Variants in P2RY8 observed in about 807,000 individuals in gnomAD.
The protein encoded by P2RY8 is P2Y receptor family member 8, also known as S-geranylgeranyl-glutathione receptor P2RY8.
P2RY8 carries 6 observed loss-of-function variants against 10.0 expected under a neutral mutation model. The observed-to-expected ratio is 0.60, with a 90% confidence interval of 0.33 to 1.19. The LOEUF (loss-of-function observed/expected upper bound fraction) is 1.19. Among genes scored for constraint, P2RY8 ranks in the 50% most tolerant of loss-of-function variants. The probability of loss-of-function intolerance (pLI) is 0.04; values close to 1 mark genes in which losing one functional copy is unlikely to be tolerated. For missense variants in P2RY8, 456 were observed against 542.0 expected, an observed-to-expected ratio of 0.84 and a Z score of 1.58; for synonymous variants, 276 against 252.5, an observed-to-expected ratio of 1.09 and a Z score of -0.88.
At chrX:1,509,804 T>TCATCTATGTATCCATC (rs1569538163) in intron 1 of P2RY8, among the ~76,000 whole-genome samples, 17 of 65,082 alleles carry the variant, frequency 2.6e-4, no homozygotes, top group Non-Finnish European at 5.1e-4. Context: ...ATCCTATCTA[T>TCATCTATGTATCCATC]CTATCTATCT....
intron 1 of P2RY8, among the ~76,000 whole-genome samples, chrX:1,525,703 T>C (rs2092435319): frequency 6.6e-6 from 1 of 152,014 alleles, no homozygotes; most frequent in South Asian, 2.1e-4. Context: ...ATTCATTCAC[T>C]CATTCATTTA....
At position 1,498,936 on chromosome X, in the gene P2RY8, G is replaced by T. The variant is rs190208730; in HGVS notation, c.-24-32354C>A. Among the ~76,000 whole-genome samples the T allele has an allele frequency of 5.3e-4, 81 of 151,732 alleles. No homozygotes were observed. The East Asian group carries it at 0.013, about 24-fold the overall frequency. ...TGCAACTTCCGCCTCCTGAGTTCAA[G>T]CGATTCTCCTGCCTCAGCCTCCTGA... On this transcript the variant is annotated intron_variant, in intron 1 of 1. Coordinates refer to ENST00000381297, the MANE Select transcript of P2RY8 (RefSeq NM_178129.5).
chrX:1,488,606 C>A (rs2092008672), intron 1 of P2RY8, among the ~76,000 whole-genome samples: 1 of 152,136 alleles, frequency 6.6e-6, no homozygotes, highest in South Asian at 2.1e-4. Flanking sequence ...TTCATTCCAG[C>A]CCATGGGTGC....
intron 1 of P2RY8, among the ~76,000 whole-genome samples, chrX:1,485,233 C>T (rs4465135): frequency 6.6e-6 from 1 of 152,014 alleles, no homozygotes; most frequent in African/African-American, 2.4e-5. Flanking sequence ...CACCTCTGGG[C>T]TTCAAGCAGT....
At chrX:1,514,702 T>C (rs1302682001) in intron 1 of P2RY8, among the ~76,000 whole-genome samples, 9 of 708 alleles carry the variant, frequency 0.013, no homozygotes, top group Non-Finnish European at 0.023. Flanking sequence ...TTCCTTCCCT[T>C]CCTTCCCTTC....
intron 1 of P2RY8, among the ~76,000 whole-genome samples, chrX:1,532,451 GTGTATATATACACATATATGTATAGA>G (rs1361544468): frequency 3.3e-5 from 2 of 61,392 alleles, no homozygotes; most frequent in Admixed American, 1.8e-4. Flanking sequence ...ATATGTATAT[GTGTATATATACACATATATGTATAGA>G]TGTATATGTG....
At position 1,463,776 on chromosome X, in the gene P2RY8, C is replaced by A; in HGVS notation, c.*1703G>T. ...ACTCCAGGCATCCCTGGGCTTGGGG[C>A]AGCATCACTTCAGTCTCTGCCTCTG... On this transcript the variant is annotated 3_prime_UTR_variant, in exon 2 of 2. Transcript: ENST00000381297. 4.3e-6 allele frequency: 1 copy of A among 233,116 alleles called. No homozygotes were observed. Among genetic ancestry groups the A allele is most frequent in the Non-Finnish European group, 8.5e-6 (1 of 118,030 alleles). The allele number at this position is 233,116 out of a possible 1,614,324, so 14.4% of individuals were successfully genotyped here.
In P2RY8 at chrX:1,469,310, T is replaced by G. The variant is rs2091751138; in HGVS notation, c.-24-2728A>C. ...TCCTGAGTAGCTGGGATTACATGCA[T>G]GCACCACCACGCCTGGCTGATTTTT... On this transcript the variant is annotated intron_variant, in intron 1 of 1. Coordinates refer to ENST00000381297, the MANE Select transcript of P2RY8 (RefSeq NM_178129.5). Among the ~76,000 whole-genome samples, 4 of 150,642 alleles carry G rather than the reference T, an allele frequency of 2.7e-5. No homozygotes were observed. The Admixed American group carries it at 2.7e-4, about 10-fold the overall frequency.
intron 1 of P2RY8, among the ~76,000 whole-genome samples, chrX:1,486,260 T>C (rs2091985004): frequency 6.6e-6 from 1 of 152,024 alleles, no homozygotes; most frequent in Admixed American, 6.6e-5. Flanking sequence ...AACTTGCATA[T>C]GAACGTTCCC....
rs1388129555 is a variant in P2RY8, at chrX:1,521,083, G to A, written c.-25+15838C>T. Among the ~76,000 whole-genome samples, 4 of 141,390 alleles carry A rather than the reference G, an allele frequency of 2.8e-5. No homozygotes were observed. The East Asian group carries it at 8.1e-4, about 29-fold the overall frequency. The allele number at this position is 141,390 out of a possible 152,430, so 92.8% of individuals were successfully genotyped here. A position where few individuals can be genotyped will look rare whatever the true frequency, so the allele number is the denominator to read the frequency against. ...CAGAGTCTCACACTGTCGCCAGGCT[G>A]GACTGCAGCGGTGCGATCTGAGCTC... On this transcript the variant is annotated intron_variant, in intron 1 of 1. Coordinates refer to ENST00000381297, the MANE Select transcript of P2RY8 (RefSeq NM_178129.5).
At chrX:1,489,612 C>T (rs5989749) in intron 1 of P2RY8, among the ~76,000 whole-genome samples, 19,977 of 140,366 alleles carry the variant, frequency 0.14, 1,500 homozygotes, top group South Asian at 0.32. Context: ...GTGGAGGGAA[C>T]GAATGAATGA....
rs1388435975 is a variant in P2RY8 at position 1,464,659 on chromosome X, T to A, written c.*820A>T. 1 of 233,130 alleles carries A rather than the reference T, an allele frequency of 4.3e-6. No homozygotes were observed. The highest frequency in any genetic ancestry group is 8.5e-6 in the Non-Finnish European group (1 of 118,184). The allele number at this position is 233,130 out of a possible 1,614,324, so 14.4% of individuals were successfully genotyped here. On this transcript the variant is annotated 3_prime_UTR_variant, in exon 2 of 2. Coordinates refer to ENST00000381297, the MANE Select transcript of P2RY8 (RefSeq NM_178129.5). ...TTGTCCTGAGTCAGGGAAGCCTGAGTGTGTTCCAGGGGCCTGATGGGACCT... is the reference window on the plus strand; with the variant it reads ...TTGTCCTGAGTCAGGGAAGCCTGAGAGTGTTCCAGGGGCCTGATGGGACCT...
intron 1 of P2RY8, among the ~76,000 whole-genome samples, chrX:1,470,413 G>A (rs1418190566): frequency 2.0e-5 from 3 of 152,096 alleles, no homozygotes; most frequent in African/African-American, 4.8e-5. Flanking sequence ...TACTCCAGAG[G>A]CTAAGGCAGG....
chrX:1,517,646 G>C (rs1326822838), intron 1 of P2RY8, among the ~76,000 whole-genome samples: 1 of 152,150 alleles, frequency 6.6e-6, no homozygotes, highest in African/African-American at 2.4e-5. Flanking sequence ...CTGGTGTCAG[G>C]GTCCTTCTGC....
rs189788215 is a variant in P2RY8, at chrX:1,499,114, T to G, written c.-24-32532A>C. ...TTCCAAAGTGCTGGGATTACAGGCATGAGCCCCTGCACCCAACCCTCTGTT... is the reference window on the plus strand; with the variant it reads ...TTCCAAAGTGCTGGGATTACAGGCAGGAGCCCCTGCACCCAACCCTCTGTT... On this transcript the variant is annotated intron_variant, in intron 1 of 1. Transcript: ENST00000381297. Among the ~76,000 whole-genome samples, 18 of 151,422 alleles carry G rather than the reference T, an allele frequency of 1.2e-4. No individual in the cohort carries two copies. In the East Asian group the frequency reaches 3.5e-3, roughly 29 times the overall value.
At chrX:1,478,157 C>T (rs2091896090) in intron 1 of P2RY8, among the ~76,000 whole-genome samples, 1 of 151,978 alleles carries the variant, frequency 6.6e-6, no homozygotes, top group African/African-American at 2.4e-5. Context: ...CATGTGGAAC[C>T]TTCCATTGGT....
At chrX:1,509,002 TCATCCATCCATCCATCCATC>T (rs776849927) in intron 1 of P2RY8, among the ~76,000 whole-genome samples, 12 of 116,594 alleles carry the variant, frequency 1.0e-4, no homozygotes, top group African/African-American at 4.1e-4. Flanking sequence ...CTGTATGTGT[TCATCCATCCATCCATCCATC>T]CATCCATCCA....
intron 1 of P2RY8, among the ~76,000 whole-genome samples, chrX:1,517,138 C>A (rs5989784): frequency 0.86 from 129,578 of 150,984 alleles, 56,031 homozygotes; most frequent in East Asian, 1. Flanking sequence ...GCCTCCAGGG[C>A]TGTGGGAGAA....
intron 1 of P2RY8, among the ~76,000 whole-genome samples, chrX:1,476,977 T>C (rs1162117801): frequency 6.6e-6 from 1 of 152,010 alleles, no homozygotes; most frequent in Non-Finnish European, 1.5e-5. Context: ...TCACCTGAGG[T>C]CAGGAGTTTG....
Sources: gnomAD v4.1 joint callset for allele counts (sites outside exome capture counted in the v4.1 genomes callset) on GRCh38, gnomAD v4.1.1 for gene constraint, MANE v1.5 for transcripts, NCBI Gene and HGNC (gene_info 2026-07-23, HGNC 2026-07-21) for gene names.